Variants in CACHD1 observed in about 807,000 individuals in gnomAD.
The protein encoded by CACHD1 is cache domain containing 1, also known as VWFA and cache domain-containing protein 1.
Under a neutral mutation model 138.7 loss-of-function variants are expected in CACHD1, and 71 were observed. The observed-to-expected ratio is 0.51, with a 90% confidence interval of 0.42 to 0.62. CACHD1 has a LOEUF of 0.62. Ranked by LOEUF, CACHD1 falls within the 20% of genes least tolerant of loss-of-function variation. The pLI is 0.00. For synonymous variants in CACHD1, 578 were observed against 591.5 expected (o/e 0.98, Z 0.33); for missense variants, 1,389 against 1,625.3 (o/e 0.85, Z 2.50).
rs117398210 is a variant in CACHD1, at chr1:64,634,320, T to G, written c.1006+60T>G. 69 of 1,122,822 alleles carry G rather than the reference T, an allele frequency of 6.1e-5. No individual in the cohort carries two copies. In the East Asian group the frequency reaches 1.6e-3, roughly 26 times the overall value. 69.6% of individuals were successfully genotyped at this position (1,122,822 alleles called of 1,614,324 possible). Reference sequence around the variant, plus strand: ...GTAGATAAAGATGGCAATAGGAATATATTGTAAATTGATCACACAATGATG... The same window carrying G: ...GTAGATAAAGATGGCAATAGGAATAGATTGTAAATTGATCACACAATGATG... On this transcript the variant is annotated intron_variant, in intron 7 of 26. Coordinates refer to ENST00000651257, the MANE Select transcript of CACHD1 (RefSeq NM_020925.4).
At chr1:64,661,702 A>G (rs1020304820) in intron 13 of CACHD1, among the ~76,000 whole-genome samples, 2 of 152,100 alleles carry the variant, frequency 1.3e-5, no homozygotes, top group African/African-American at 2.4e-5. Flanking sequence ...AAGAATATAT[A>G]CATGAATCCA....
chr1:64,647,882 G>T lies in CACHD1; in HGVS notation c.1238G>T (p.Arg413Leu). Residue 413 changes from arginine to leucine, a missense_variant, in exon 9 of 27, where the codon CGG becomes CTG. By Grantham distance (102) the Arg-to-Leu change is moderately radical. This residue lies in a region of CACHD1 where 1,000 missense variants were observed against 1,114.7 expected (regional missense o/e 0.90). Coordinates refer to ENST00000651257, the MANE Select transcript of CACHD1 (RefSeq NM_020925.4). ...TCAGGGAAGTACGGTGTGCCAGACCGGATGGCCTTGCCTGTGATTAAGGGC... is the reference window on the plus strand; with the variant it reads ...TCAGGGAAGTACGGTGTGCCAGACCTGATGGCCTTGCCTGTGATTAAGGGC... The part of the protein sequence containing the change: ...QNSGKYGVPD[R>L]MALPVIKGSM... The T allele has an allele frequency of 6.2e-7, 1 of 1,614,096 alleles. No individual in the cohort carries two copies. The highest frequency in any genetic ancestry group is 1.1e-5 in the South Asian group (1 of 91,064).
chr1:64,666,265 A>C, intron 16 of CACHD1, 98 bp downstream of exon 16: 1 of 659,874 alleles, frequency 1.5e-6, no homozygotes, highest in Non-Finnish European at 2.5e-6. Context: ...TTAGAGGCAG[A>C]AGCATGACCT....
intron 7 of CACHD1, among the ~76,000 whole-genome samples, chr1:64,639,300 T>G (rs1465307224): frequency 6.6e-6 from 1 of 152,234 alleles, no homozygotes; most frequent in Non-Finnish European, 1.5e-5. Context: ...TATTTTTCAG[T>G]CTGAAGTTTA....
At chr1:64,540,062 G>T (rs551930301) in intron 1 of CACHD1, among the ~76,000 whole-genome samples, 3 of 152,100 alleles carry the variant, frequency 2.0e-5, no homozygotes, top group Non-Finnish European at 4.4e-5. Context: ...TTGATTGATT[G>T]CGTGAGACAG....
chr1:64,552,190 T>C (rs1412152654), intron 2 of CACHD1, among the ~76,000 whole-genome samples: 2 of 152,168 alleles, frequency 1.3e-5, no homozygotes, highest in Non-Finnish European at 2.9e-5. Context: ...CATTTTTTAT[T>C]TATCTAGCTA....
At chr1:64,678,331 A>C in intron 23 of CACHD1, 21 bp downstream of exon 23, 1 of 1,532,176 alleles carries the variant, frequency 6.5e-7, no homozygotes, top group Non-Finnish European at 8.7e-7. Flanking sequence ...TAGATGCCCC[A>C]ACAATTTGAT....
At chr1:64,513,899 A>G (rs182449409) in intron 1 of CACHD1, among the ~76,000 whole-genome samples, 1 of 152,350 alleles carries the variant, frequency 6.6e-6, no homozygotes, top group African/African-American at 2.4e-5. Flanking sequence ...AATTTTAAAC[A>G]TTAGCTCAAT....
At chr1:64,600,595 C>CAG (rs745505186) in intron 3 of CACHD1, among the ~76,000 whole-genome samples, 30 of 152,212 alleles carry the variant, frequency 2.0e-4, no homozygotes, top group Admixed American at 5.9e-4. Flanking sequence ...TACTTATGAC[C>CAG]AGAACAATGC....
intron 1 of CACHD1, among the ~76,000 whole-genome samples, chr1:64,521,193 G>A (rs1023590583): frequency 1.3e-5 from 2 of 152,196 alleles, no homozygotes; most frequent in African/African-American, 2.4e-5. Context: ...TCGTAGGGCA[G>A]AGGTCTCAGT....
chr1:64,555,937 G>T (rs1646793793), intron 2 of CACHD1, among the ~76,000 whole-genome samples: 1 of 152,092 alleles, frequency 6.6e-6, no homozygotes, highest in South Asian at 2.1e-4. Context: ...AATTTGATTT[G>T]GTTCCATTAG....
chr1:64,484,054 C>T (rs997592491), intron 1 of CACHD1, among the ~76,000 whole-genome samples: 7 of 152,094 alleles, frequency 4.6e-5, no homozygotes, highest in African/African-American at 1.7e-4. Context: ...GTTCGTCATG[C>T]CCCCTAACCT....
chr1:64,691,394 G>T lies in CACHD1; in HGVS notation c.3658G>T (p.Val1220Phe), dbSNP rs757451900. 1.9e-6 allele frequency: 3 copies of T among 1,614,008 alleles called. No homozygotes were observed. Among genetic ancestry groups the T allele is most frequent in the East Asian group, 2.2e-5 (1 of 44,882 alleles). Residue 1220 changes from valine to phenylalanine, a missense_variant, in exon 27 of 27, where the codon GTC becomes TTC. Physicochemically the swap from Val to Phe is conservative, Grantham distance 50. This residue lies in a region of CACHD1 where 78 missense variants were observed against 76.9 expected (regional missense o/e 1.01). Coordinates refer to ENST00000651257, the MANE Select transcript of CACHD1 (RefSeq NM_020925.4). ...PCNNDPLSAGVDVGNHDEDLD... is the reference protein window; with the variant it reads ...PCNNDPLSAGFDVGNHDEDLD... ...CAACAATGACCCCTTGTCAGCCGGG[G>T]TCGATGTGGGAAACCATGATGAGGA...
At chr1:64,603,266 G>A (rs1052735932) in intron 4 of CACHD1, among the ~76,000 whole-genome samples, 8 of 151,620 alleles carry the variant, frequency 5.3e-5, no homozygotes, top group South Asian at 2.1e-4. Flanking sequence ...CACCACACCC[G>A]GTTAATTTTT....
chr1:64,661,481 C>T (rs1212069118), intron 13 of CACHD1, among the ~76,000 whole-genome samples: 4 of 152,172 alleles, frequency 2.6e-5, no homozygotes, highest in Admixed American at 2.0e-4. Flanking sequence ...AGACCCCAAG[C>T]CACCTCTTCT....
intron 23 of CACHD1, 99 bp from the exon 24 acceptor site, chr1:64,679,496 A>G (rs1214449968): frequency 2.2e-6 from 3 of 1,339,424 alleles, no homozygotes; most frequent in Non-Finnish European, 3.1e-6. Flanking sequence ...TCTTCCGCCA[A>G]CCCCCTTCCC....
intron 4 of CACHD1, among the ~76,000 whole-genome samples, chr1:64,626,926 G>A (rs576670447): frequency 7.8e-4 from 118 of 152,036 alleles, no homozygotes; most frequent in African/African-American, 2.6e-3. Context: ...TCTTTCTCTT[G>A]TAGGTAAGGA....
intron 4 of CACHD1, among the ~76,000 whole-genome samples, chr1:64,603,214 C>T (rs1442034171): frequency 6.6e-6 from 1 of 150,626 alleles, no homozygotes; most frequent in Non-Finnish European, 1.5e-5. Context: ...ACACCATTCT[C>T]CTGCCTCAGC....
chr1:64,514,092 C>T (rs1476566731), intron 1 of CACHD1, among the ~76,000 whole-genome samples: 1 of 152,182 alleles, frequency 6.6e-6, no homozygotes, highest in Non-Finnish European at 1.5e-5. Context: ...CAATTCATTT[C>T]CATCCGTGTT....
Sources: gnomAD v4.1 joint callset for allele counts (sites outside exome capture counted in the v4.1 genomes callset) on GRCh38, gnomAD v4.1.1 for gene constraint, gnomAD v4.1.1 regional missense constraint, MANE v1.5 for transcripts, NCBI Gene and HGNC (gene_info 2026-07-23, HGNC 2026-07-21) for gene names.